CEP57L1: variants seen among roughly 807,000 people sequenced by gnomAD.
CEP57L1 encodes the protein centrosomal protein 57 like 1, also known as centrosomal protein CEP57L1.
A neutral mutation model predicts 61.0 loss-of-function variants in CEP57L1; 37 were observed. That is an observed-to-expected ratio of 0.61 (90% confidence interval 0.47 to 0.80). The LOEUF is 0.80. Among genes scored for constraint, CEP57L1 ranks in the 30% least tolerant of loss-of-function variants. The pLI, the probability that CEP57L1 is intolerant of heterozygous loss-of-function variation, is 0.00. For missense variants in CEP57L1, 422 were observed against 524.7 expected, an observed-to-expected ratio of 0.80 and a Z score of 1.91; for synonymous variants, 137 against 162.3, an observed-to-expected ratio of 0.84 and a Z score of 1.19.
intron 1 of CEP57L1, among the ~76,000 whole-genome samples, chr6:109,111,993 G>T (rs182604286): frequency 6.6e-6 from 1 of 152,050 alleles, no homozygotes; most frequent in African/African-American, 2.4e-5. Flanking sequence ...TTCTTTTTTT[G>T]TTGTGTCTCT....
intron 1 of CEP57L1, among the ~76,000 whole-genome samples, chr6:109,143,321 C>T (rs1028352687): frequency 6.6e-6 from 1 of 152,074 alleles, no homozygotes; most frequent in African/African-American, 2.4e-5. Flanking sequence ...ACTTCACCTT[C>T]TTTCAGAGTG....
intron 1 of CEP57L1, among the ~76,000 whole-genome samples, chr6:109,102,189 A>G (rs946161776): frequency 6.6e-6 from 1 of 151,962 alleles, no homozygotes; most frequent in Non-Finnish European, 1.5e-5. Flanking sequence ...TTAAATTATT[A>G]TTACTGTTGA....
Position 109,122,213 on chromosome 6 carries a change from G to A in CEP57L1, c.-3-23006G>A, listed in dbSNP as rs560006099. Among the ~76,000 whole-genome samples, 3 of 152,246 alleles carry A rather than the reference G, an allele frequency of 2.0e-5. No individual in the cohort carries two copies. The South Asian group carries it at 6.2e-4, about 32-fold the overall frequency. On this transcript the variant is annotated intron_variant, in intron 1 of 10. Coordinates refer to ENST00000517392, the MANE Select transcript of CEP57L1 (RefSeq NM_001271852.3). ...TTGTTTTGTCTTTGTTGGTTTTGCT[G>A]TGTTTTGGTTTTGACCCCACTGGTT... is the stretch of plus-strand genomic sequence containing the variant.
rs1011917954 is a variant in CEP57L1 at position 109,165,802 on chromosome 6, T to C, written c.*2832T>C. 1 of 152,240 alleles carries C rather than the reference T, an allele frequency of 6.6e-6. No individual in the cohort carries two copies. Among genetic ancestry groups the C allele is most frequent in the Non-Finnish European group, 1.5e-5 (1 of 68,056 alleles). 9.4% of individuals were successfully genotyped at this position (152,240 alleles called of 1,614,324 possible). A position where few individuals can be genotyped will look rare whatever the true frequency, so the allele number is the denominator to read the frequency against. On this transcript the variant is annotated 3_prime_UTR_variant, in exon 11 of 11. Coordinates refer to ENST00000517392, the MANE Select transcript of CEP57L1 (RefSeq NM_001271852.3). ...TCAGGGGGTGGAGCAAAAGATTTCTTTCCTGGATGGAGCAGTCAGTCTATG... is the reference window on the plus strand; with the variant it reads ...TCAGGGGGTGGAGCAAAAGATTTCTCTCCTGGATGGAGCAGTCAGTCTATG...
chr6:109,097,915 G>A lies in CEP57L1; in HGVS notation c.-4+2340G>A, dbSNP rs138750493. On this transcript the variant is annotated intron_variant, in intron 1 of 10. Coordinates refer to ENST00000517392, the MANE Select transcript of CEP57L1 (RefSeq NM_001271852.3). ...GCAAAGGCCTTGGGCAGAAGCCTGA[G>A]TGCGCATTTGAGAAATAGCAAGAAG... Among the ~76,000 whole-genome samples, 444 of 152,350 alleles carry A rather than the reference G, an allele frequency of 2.9e-3. 3 individuals are homozygous for A. The highest frequency in any genetic ancestry group is 1.0e-2 in the African/African-American group (415 of 41,578).
rs116816138 is a variant in CEP57L1, at chr6:109,118,725, C to T, written c.-4+23150C>T. ...GCTTCGTCACAGAATAACTCAGACA[C>T]TACAATCAGTAGCTAGCACTCTCTC... On this transcript the variant is annotated intron_variant, in intron 1 of 10. Coordinates refer to ENST00000517392, the MANE Select transcript of CEP57L1 (RefSeq NM_001271852.3). Among the ~76,000 whole-genome samples, 1,259 of 152,282 alleles carry T rather than the reference C, an allele frequency of 8.3e-3. 24 individuals carry two copies. Among genetic ancestry groups the T allele is most frequent in the African/African-American group, 0.029 (1,208 of 41,548 alleles).
At chr6:109,136,467 T>C (rs1770693147) in intron 1 of CEP57L1, among the ~76,000 whole-genome samples, 1 of 150,822 alleles carries the variant, frequency 6.6e-6, no homozygotes, top group South Asian at 2.1e-4. Flanking sequence ...CTAATGTAAA[T>C]GACGAGTTAA....
At chr6:109,118,911 T>C (rs1158950041) in intron 1 of CEP57L1, among the ~76,000 whole-genome samples, 2 of 152,200 alleles carry the variant, frequency 1.3e-5, no homozygotes, top group African/African-American at 4.8e-5. Flanking sequence ...AATAAGACTT[T>C]GATGAATGAG....
chr6:109,168,055 T>C lies in CEP57L1; in HGVS notation c.*5085T>C, dbSNP rs1214090344. ...GCAGATGCTCAAATATTTATTTGCCTACTAAATGTTTGTTCTCATCTATCG... is the reference window on the plus strand; with the variant it reads ...GCAGATGCTCAAATATTTATTTGCCCACTAAATGTTTGTTCTCATCTATCG... On this transcript the variant is annotated 3_prime_UTR_variant, in exon 11 of 11. Coordinates refer to ENST00000517392, the MANE Select transcript of CEP57L1 (RefSeq NM_001271852.3). 6.6e-6 allele frequency among the ~76,000 whole-genome samples: 1 copy of C among 152,244 alleles called. No individual in the cohort carries two copies. Among genetic ancestry groups the C allele is most frequent in the Non-Finnish European group, 1.5e-5 (1 of 68,032 alleles).
In CEP57L1 at chr6:109,116,084, CATTTTATTTT is replaced by C. The variant is rs557303655; in HGVS notation, c.-4+20532_-4+20541del. Among the ~76,000 whole-genome samples the C allele has an allele frequency of 3.4e-3, 498 of 144,904 alleles. 2 individuals carry two copies. The highest frequency in any genetic ancestry group is 0.012 in the African/African-American group (450 of 37,970). On this transcript the variant is annotated intron_variant, in intron 1 of 10. Coordinates refer to ENST00000517392, the MANE Select transcript of CEP57L1 (RefSeq NM_001271852.3). ...GGAATTCTATTTCCTCCCTATTAAG[CATTTTATTTT>C]ATTTTATTTTATTTTATTTTATGTT...
chr6:109,101,781 G>A (rs1167532169), intron 1 of CEP57L1, among the ~76,000 whole-genome samples: 2 of 151,832 alleles, frequency 1.3e-5, no homozygotes, highest in South Asian at 2.1e-4. Context: ...CACCGCGCCC[G>A]GCTAATGTTT....
In CEP57L1 at chr6:109,172,165, TAGACAGACCATAATTCTCTCAGC is replaced by T. The variant is rs140687473; in HGVS notation, c.*9220_*9242del. ...GTTGTCCTTCACCTGTGAAGTCATGTAGACAGACCATAATTCTCTCAGCAGACAGACCATAATTCTCTCAGCAA... is the reference window on the plus strand; with the variant it reads ...GTTGTCCTTCACCTGTGAAGTCATGTAGACAGACCATAATTCTCTCAGCAA... On this transcript the variant is annotated 3_prime_UTR_variant, in exon 11 of 11. Coordinates refer to ENST00000517392, the MANE Select transcript of CEP57L1 (RefSeq NM_001271852.3). 3.4e-5 allele frequency among the ~76,000 whole-genome samples: 4 copies of T among 117,208 alleles called. No homozygotes were observed. Among genetic ancestry groups the T allele is most frequent in the Admixed American group, 3.2e-4 (4 of 12,674 alleles). 76.9% of individuals were successfully genotyped at this position (117,208 alleles called of 152,430 possible). A position where few individuals can be genotyped will look rare whatever the true frequency, so the allele number is the denominator to read the frequency against.
intron 1 of CEP57L1, chr6:109,130,809 G>A (rs1246431522): frequency 6.6e-6 from 1 of 151,972 alleles, no homozygotes; most frequent in African/African-American, 2.4e-5. Context: ...ATATCCAGAG[G>A]CACATGGTGG....
Position 109,155,777 on chromosome 6 carries a change from T to C in CEP57L1, c.658-14T>C, listed in dbSNP as rs1773155563. 1 of 1,371,824 alleles carries C rather than the reference T, an allele frequency of 7.3e-7. No homozygotes were observed. The allele number at this position is 1,371,824 out of a possible 1,614,324, so 85.0% of individuals were successfully genotyped here. A position where few individuals can be genotyped will look rare whatever the true frequency, so the allele number is the denominator to read the frequency against. ...TACAAATCAATGTTATAACCTTTTT[T>C]TTAAATATTACAGCTTCAAACTGGA... is the stretch of plus-strand genomic sequence containing the variant. On this transcript the variant is annotated splice_polypyrimidine_tract_variant and intron_variant, in intron 6 of 10. Coordinates refer to ENST00000517392, the MANE Select transcript of CEP57L1 (RefSeq NM_001271852.3).
intron 1 of CEP57L1, among the ~76,000 whole-genome samples, chr6:109,107,784 T>A (rs1771106261): frequency 6.6e-6 from 1 of 151,850 alleles, no homozygotes; most frequent in Non-Finnish European, 1.5e-5. Context: ...CTAATAAAAA[T>A]CCCAAAATTA....
chr6:109,133,777 T>TGGC (rs1297828837), intron 1 of CEP57L1, among the ~76,000 whole-genome samples: 1 of 152,038 alleles, frequency 6.6e-6, no homozygotes, highest in South Asian at 2.1e-4. Context: ...GAGAATACTA[T>TGGC]AAACACCTCT....
chr6:109,141,162 A>C (rs1771331652), intron 1 of CEP57L1, among the ~76,000 whole-genome samples: 1 of 151,742 alleles, frequency 6.6e-6, no homozygotes, highest in Non-Finnish European at 1.5e-5. Flanking sequence ...TAGCTATCTG[A>C]AATTTGTATT....
At chr6:109,112,457 A>AG (rs1771773155) in intron 1 of CEP57L1, among the ~76,000 whole-genome samples, 1 of 152,136 alleles carries the variant, frequency 6.6e-6, no homozygotes, top group Non-Finnish European at 1.5e-5. Flanking sequence ...CTTTTCAAAA[A>AG]ACCGGCTCCT....
At chr6:109,162,467 C>T (rs1274236118) in intron 10 of CEP57L1, among the ~76,000 whole-genome samples, 1 of 151,998 alleles carries the variant, frequency 6.6e-6, no homozygotes, top group African/African-American at 2.4e-5. Context: ...TCAAAGTTAT[C>T]CTGGCTCAGA....
Sources: gnomAD v4.1 joint callset for allele counts (sites outside exome capture counted in the v4.1 genomes callset) on GRCh38, gnomAD v4.1.1 for gene constraint, MANE v1.5 for transcripts, NCBI Gene and HGNC (gene_info 2026-07-23, HGNC 2026-07-21) for gene names.